Variants in C12orf42 observed in about 807,000 individuals in gnomAD.
C12orf42 encodes chromosome 12 open reading frame 42.
Under a neutral mutation model 21.6 loss-of-function variants are expected in C12orf42, and 25 were observed. The ratio of observed to expected loss-of-function variants is 1.16; its 90% CI spans 0.84 to 1.62. The LOEUF (loss-of-function observed/expected upper bound fraction) is 1.62. Ranked by LOEUF, C12orf42 falls within the 40% of genes most tolerant of loss-of-function variation. C12orf42 has a pLI of 0.00. For missense variants in C12orf42, 483 were observed against 459.3 expected (o/e 1.05, Z -0.47); for synonymous variants, 174 against 175.0 (o/e 0.99, Z 0.05).
chr12:103,469,344 A>G (rs1953402512), intron 2 of C12orf42, among the ~76,000 whole-genome samples: 1 of 152,204 alleles, frequency 6.6e-6, no homozygotes, highest in Non-Finnish European at 1.5e-5. Context: ...AATAATACAC[A>G]TTCATTATAG....
chr12:103,452,453 C>T (rs1952009970), intron 2 of C12orf42, among the ~76,000 whole-genome samples: 1 of 152,082 alleles, frequency 6.6e-6, no homozygotes, highest in Non-Finnish European at 1.5e-5. Context: ...GCTACAAAGT[C>T]ATATGGCAAA....
intron 2 of C12orf42, among the ~76,000 whole-genome samples, chr12:103,474,667 T>C (rs996250887): frequency 3.3e-5 from 5 of 152,212 alleles, no homozygotes; most frequent in African/African-American, 1.2e-4. Flanking sequence ...AAGCCACCAC[T>C]TTTGATTAAT....
intron 2 of C12orf42, among the ~76,000 whole-genome samples, chr12:103,421,410 A>G (rs1329117418): frequency 1.3e-5 from 2 of 152,012 alleles, no homozygotes; most frequent in African/African-American, 2.4e-5. Flanking sequence ...TCTCTACAAA[A>G]TAAAATAAAA....
In C12orf42 at chr12:103,484,144, T is replaced by C. The variant is rs551278440; in HGVS notation, c.-21-5697A>G. ...CATATGTGTGCATGTGTCTTTATAG[T>C]AGCATGATTTATAATCGTTTGTGTA... On this transcript the variant is annotated intron_variant, in intron 1 of 5. Transcript: ENST00000548883. Among the ~76,000 whole-genome samples the C allele has an allele frequency of 2.6e-5, 4 of 152,314 alleles. No homozygotes were observed. The South Asian group carries it at 8.3e-4, about 32-fold the overall frequency.
intron 4 of C12orf42, among the ~76,000 whole-genome samples, chr12:103,365,484 A>T (rs2044518093): frequency 6.6e-6 from 1 of 152,158 alleles, no homozygotes; most frequent in South Asian, 2.1e-4. Flanking sequence ...GAGCAATCAG[A>T]CAAGAGAAAT....
the C12orf42 span, among the ~76,000 whole-genome samples, chr12:103,523,653 G>C: frequency 3.3e-5 from 5 of 150,444 alleles, no homozygotes; most frequent in African/African-American, 1.2e-4. Flanking sequence ...TCTATATATA[G>C]ACACTCGGTG....
At chr12:103,157,716 C>T in the C12orf42 span, among the ~76,000 whole-genome samples, 2 of 152,034 alleles carry the variant, frequency 1.3e-5, no homozygotes. Context: ...CACCGTTTAC[C>T]GAATAGAAGA....
intron 2 of C12orf42, among the ~76,000 whole-genome samples, chr12:103,473,341 A>G (rs1204314962): frequency 1.3e-5 from 2 of 152,220 alleles, no homozygotes; most frequent in African/African-American, 4.8e-5. Context: ...CTTTGATCCT[A>G]TGATAATACT....
intron 4 of C12orf42, among the ~76,000 whole-genome samples, chr12:103,353,736 A>G (rs1488809570): frequency 6.6e-6 from 1 of 152,182 alleles, no homozygotes; most frequent in Non-Finnish European, 1.5e-5. Context: ...CACCAACAGG[A>G]GGGATGGAAA....
intron 2 of C12orf42, among the ~76,000 whole-genome samples, chr12:103,449,415 C>T (rs544489394): frequency 1.8e-3 from 170 of 92,802 alleles, no homozygotes; most frequent in Middle Eastern, 5.4e-3. Flanking sequence ...ATGGATGCAC[C>T]AAAATCTCAG....
chr12:103,285,736 C>T (rs894402533), intron 4 of C12orf42, among the ~76,000 whole-genome samples: 1 of 152,148 alleles, frequency 6.6e-6, no homozygotes, highest in Non-Finnish European at 1.5e-5. Context: ...AAATCAGCTT[C>T]GTTGTATATG....
chr12:103,217,291 G>A, the C12orf42 span, among the ~76,000 whole-genome samples: 44,146 of 151,948 alleles, frequency 0.29, 7,404 homozygotes, highest in Non-Finnish European at 0.38. Context: ...AGGCCGAGGC[G>A]AGAGAATCAC....
chr12:103,376,295 A>G (rs1325469453), intron 3 of C12orf42, among the ~76,000 whole-genome samples: 5 of 152,186 alleles, frequency 3.3e-5, no homozygotes, highest in Admixed American at 3.3e-4. Context: ...TCAGCAAACT[A>G]AAACAGGAAA....
chr12:103,553,566 T>A, the C12orf42 span, among the ~76,000 whole-genome samples: 1 of 152,116 alleles, frequency 6.6e-6, no homozygotes, highest in African/African-American at 2.4e-5. Context: ...AAAAAACAAT[T>A]TCATTAGTGT....
chr12:103,382,323 C>T (rs1206555994), intron 3 of C12orf42, among the ~76,000 whole-genome samples: 1 of 152,168 alleles, frequency 6.6e-6, no homozygotes, highest in Non-Finnish European at 1.5e-5. Context: ...TCCACGTCAG[C>T]ATTGTAGAAC....
rs545564877 is a variant in C12orf42 at position 103,419,816 on chromosome 12, G to A, written c.79-18141C>T. On this transcript the variant is annotated intron_variant, in intron 2 of 5. Transcript: ENST00000548883. ...GTCATAGCTCTGCTTCCTGGGGCCCGAACCCTGATATTATTTGCCTCCAGT... is the reference window on the plus strand; with the variant it reads ...GTCATAGCTCTGCTTCCTGGGGCCCAAACCCTGATATTATTTGCCTCCAGT... Among the ~76,000 whole-genome samples, 177 of 152,200 alleles carry A rather than the reference G, an allele frequency of 1.2e-3. 2 individuals carry two copies. The Middle Eastern group carries it at 0.02, about 18-fold the overall frequency.
chr12:103,494,487 T>C (rs958806702), intron 1 of C12orf42, among the ~76,000 whole-genome samples: 14 of 152,294 alleles, frequency 9.2e-5, no homozygotes, highest in Admixed American at 3.3e-4. Context: ...TTATTGGCAT[T>C]TTTTTATCTA....
In C12orf42 at chr12:103,434,983, G is replaced by A. The variant is rs533546198; in HGVS notation, c.79-33308C>T. Among the ~76,000 whole-genome samples, 64 of 152,312 alleles carry A rather than the reference G, an allele frequency of 4.2e-4. No individual in the cohort carries two copies. In the East Asian group the frequency reaches 0.012, roughly 28 times the overall value. On this transcript the variant is annotated intron_variant, in intron 2 of 5. Coordinates refer to ENST00000548883, the MANE Select transcript of C12orf42 (RefSeq NM_198521.5). ...AAACAAAAAGACAGCAGTAACCTCT[G>A]CAGACTTAAATGTCCCTGTCTGACA...
Position 103,474,454 on chromosome 12 carries a change from ATG to A in C12orf42, c.78+3893_78+3894del, listed in dbSNP as rs371887251. Among the ~76,000 whole-genome samples, 178 of 149,334 alleles carry A rather than the reference ATG, an allele frequency of 1.2e-3. 1 individual carries two copies. The highest frequency in any genetic ancestry group is 2.4e-3 in the East Asian group (12 of 5,092). On this transcript the variant is annotated intron_variant, in intron 2 of 5. Coordinates refer to ENST00000548883, the MANE Select transcript of C12orf42 (RefSeq NM_198521.5). ...TATGTATGTATACATGTATGTATGT[ATG>A]TGTGTGTGTGTGTGTGTGTGTGTGT...
Sources: gnomAD v4.1 joint callset for allele counts (sites outside exome capture counted in the v4.1 genomes callset) on GRCh38, gnomAD v4.1.1 for gene constraint, MANE v1.5 for transcripts, NCBI Gene and HGNC (gene_info 2026-07-23, HGNC 2026-07-21) for gene names.